Variants in DYSF observed in about 807,000 individuals in gnomAD.
DYSF encodes dysferlin, also known as dystrophy-associated fer-1-like 1.
A neutral mutation model predicts 274.9 loss-of-function variants in DYSF; 212 were observed. That is an observed-to-expected ratio of 0.77 (90% CI 0.69 to 0.86). DYSF has a LOEUF of 0.86. Among genes scored for constraint, DYSF ranks in the 40% least tolerant of loss-of-function variants. DYSF has a pLI of 0.00. For synonymous variants in DYSF, 1,091 were observed against 1,078.7 expected, an observed-to-expected ratio of 1.01 and a Z score of -0.22; for missense variants, 2,666 against 2,783.2, an observed-to-expected ratio of 0.96 and a Z score of 0.95.
chr2:71,639,286 C>G (rs1199830786), intron 41 of DYSF, among the ~76,000 whole-genome samples: 3 of 152,006 alleles, frequency 2.0e-5, no homozygotes, highest in African/African-American at 2.4e-5. Flanking sequence ...TGTCTTTTCA[C>G]TTTATTGGTA....
chr2:71,583,431 G>C, intron 30 of DYSF, among the ~76,000 whole-genome samples: 1 of 152,166 alleles, frequency 6.6e-6, no homozygotes, highest in Non-Finnish European at 1.5e-5. Context: ...GCTTGACTCT[G>C]CTGGAGCAGG....
At chr2:71,618,568 T>TGTGGGGTACAGTTGTGTG (rs2093996474) in intron 40 of DYSF, among the ~76,000 whole-genome samples, 1 of 17,566 alleles carries the variant, frequency 5.7e-5, no homozygotes. Flanking sequence ...GAGTGTGTGT[T>TGTGGGGTACAGTTGTGTG]TGTGTGGGGT....
At chr2:71,679,311 A>G (rs966091051) in intron 53 of DYSF, 76 bp downstream of exon 53, 1 of 1,419,364 alleles carries the variant, frequency 7.0e-7, no homozygotes, top group Non-Finnish European at 9.8e-7. Flanking sequence ...AAAATACGTC[A>G]TCAGAAAATA....
chr2:71,620,770 G>T (rs1291079510), intron 41 of DYSF, among the ~76,000 whole-genome samples, 161 bp downstream of exon 41: 1 of 152,136 alleles, frequency 6.6e-6, no homozygotes, highest in Non-Finnish European at 1.5e-5. Flanking sequence ...CTGAAAAGGA[G>T]GGGTGAGAGA....
At chr2:71,558,150 G>A (rs11893054) in intron 22 of DYSF, among the ~76,000 whole-genome samples, 4,773 of 152,268 alleles carry the variant, frequency 0.031, 246 homozygotes, top group African/African-American at 0.11. Flanking sequence ...GTGCTGCTCT[G>A]TAATGGACAG....
intron 42 of DYSF, among the ~76,000 whole-genome samples, chr2:71,649,515 T>G (rs2152929800): frequency 6.6e-6 from 1 of 152,230 alleles, no homozygotes; most frequent in Admixed American, 6.5e-5. Context: ...ATTGCTACAG[T>G]AGGGACCCCA....
chr2:71,486,792 G>A (rs962179696), intron 3 of DYSF, among the ~76,000 whole-genome samples: 4 of 152,190 alleles, frequency 2.6e-5, no homozygotes, highest in South Asian at 2.1e-4. Flanking sequence ...CCTTAGGGTG[G>A]AAGACACTCA....
At chr2:71,560,417 G>GCCCCAGCGCAGGGCTCCGGCCCAGGCCCC (rs56170138) in intron 22 of DYSF, among the ~76,000 whole-genome samples, 2 of 138,786 alleles carry the variant, frequency 1.4e-5, no homozygotes, top group Admixed American at 1.4e-4. Context: ...TCCCAGGCAG[G>GCCCCAGCGCAGGGCTCCGGCCCAGGCCCC]CCCCCGCCCC....
chr2:71,458,021 G>A (rs2081141182), intron 1 of DYSF, among the ~76,000 whole-genome samples: 6 of 152,166 alleles, frequency 3.9e-5, no homozygotes, highest in Admixed American at 3.9e-4. Flanking sequence ...CGAACAAGAG[G>A]GAGAGAAGGA....
At position 71,686,464 on chromosome 2, in the gene DYSF, C is replaced by T. The variant is rs760938026; in HGVS notation, c.6332C>T (p.Ala2111Val). 1.1e-5 allele frequency: 18 copies of T among 1,614,182 alleles called. No homozygotes were observed. The highest frequency in any genetic ancestry group is 1.7e-4 in the Middle Eastern group (1 of 6,056). The change falls in exon 56 of 56, where the codon GCC (alanine) becomes GTC (valine). Residue 2111 changes from alanine (A) to valine (V), a missense_variant. Physicochemically the swap from Ala to Val is moderately conservative, Grantham distance 64 (BLOSUM62 0). Coordinates refer to ENST00000410020, the MANE Select transcript of DYSF (RefSeq NM_001130987.2). ...IFIYAFPNYA[A>V]MKLVKPFS Reference sequence around the variant, plus strand: ...CCTCCCTCCCTCCAGAACTATGCTGCCATGAAGCTGGTGAAGCCCTTCAGC... The same window carrying T: ...CCTCCCTCCCTCCAGAACTATGCTGTCATGAAGCTGGTGAAGCCCTTCAGC...
At chr2:71,486,705 CT>C (rs1286386005) in intron 3 of DYSF, among the ~76,000 whole-genome samples, 4 of 152,320 alleles carry the variant, frequency 2.6e-5, no homozygotes, top group African/African-American at 9.6e-5. Context: ...CCGAGGACCC[CT>C]GAGCCAACTT....
At chr2:71,656,836 C>A (rs533612496) in intron 43 of DYSF, among the ~76,000 whole-genome samples, 1 of 152,238 alleles carries the variant, frequency 6.6e-6, no homozygotes, top group African/African-American at 2.4e-5. Context: ...CCTCCTGGGT[C>A]CCTCCCCCAA....
At chr2:71,635,765 AGAAAG>A (rs1455404382) in intron 41 of DYSF, among the ~76,000 whole-genome samples, 3,660 of 60,808 alleles carry the variant, frequency 0.06, 126 homozygotes, top group East Asian at 0.079. Flanking sequence ...AAAAAAAAAA[AGAAAG>A]AAAAAAGAAA....
At chr2:71,552,561 C>T (rs2091022287) in intron 19 of DYSF, among the ~76,000 whole-genome samples, 1 of 152,186 alleles carries the variant, frequency 6.6e-6, no homozygotes, top group Non-Finnish European at 1.5e-5. Flanking sequence ...CAGTGGCAGC[C>T]CGTGTATCCT....
intron 29 of DYSF, among the ~76,000 whole-genome samples, chr2:71,571,642 A>G (rs1162019621): frequency 7.3e-6 from 1 of 137,778 alleles, no homozygotes; most frequent in African/African-American, 2.8e-5. Flanking sequence ...CAGCACATGC[A>G]GAGATCACAC....
rs760443264 is a variant in DYSF at position 71,570,682 on chromosome 2, C to T, written c.3169C>T (p.Arg1057Trp). 54 of 1,613,950 alleles carry T rather than the reference C, an allele frequency of 3.3e-5. No individual in the cohort carries two copies. The highest frequency in any genetic ancestry group is 6.6e-5 in the South Asian group (6 of 91,094). Residue 1057 changes from arginine (R) to tryptophan (W), a missense_variant, in exon 29 of 56, where the codon CGG becomes TGG. Arg to Trp is a moderately radical substitution (Grantham distance 101). This residue lies in a region of DYSF where 1,460 missense variants were observed against 1,502.1 expected (regional missense o/e 0.97). Transcript: ENST00000410020. ...TGAGAAGATGTACTACACACACCGA[C>T]GGCGGCGCTGGGTGCGCCTGCGCAG... ...PAEKMYYTHR[R>W]RRWVRLRRRD... is the part of the protein sequence containing the mutation.
chr2:71,574,234 T>C lies in DYSF; in HGVS notation c.3265T>C (p.Tyr1089His), dbSNP rs548142126. 3 of 1,613,744 alleles carry C rather than the reference T, an allele frequency of 1.9e-6. No homozygotes were observed. The highest frequency in any genetic ancestry group is 1.3e-5 in the African/African-American group (1 of 75,036). Reference sequence around the variant, plus strand: ...GGAGGCGGAGGGCGAGGGCTGGGAGTACGCCTCTCTTTTTGGCTGGAAGTT... The same window carrying C: ...GGAGGCGGAGGGCGAGGGCTGGGAGCACGCCTCTCTTTTTGGCTGGAAGTT... ...QAEAEGEGWE[Y>H]ASLFGWKFHL... Residue 1089 changes from tyrosine (Y) to histidine (H), a missense_variant, in exon 30 of 56, where the codon TAC (tyrosine) becomes CAC (histidine). Around this residue, in one of 3 missense-constraint regions of DYSF, gnomAD observed 1,460 missense variants for 1,502.1 expected, o/e 0.97. Transcript: ENST00000410020.
At position 71,495,103 on chromosome 2, in the gene DYSF, A is replaced by G. The variant is rs532384106; in HGVS notation, c.240-8111A>G. Among the ~76,000 whole-genome samples the G allele has an allele frequency of 8.5e-5, 13 of 152,274 alleles. 1 individual carries two copies. In the South Asian group the frequency reaches 2.5e-3, roughly 29 times the overall value. ...GGCACATGTGGGGGGTGATAGGTGT[A>G]TTAACTGAAATTTTACCAGAACTCT... On this transcript the variant is annotated intron_variant, in intron 3 of 55. Transcript: ENST00000410020.
chr2:71,662,364 C>T (rs111785813), intron 45 of DYSF, among the ~76,000 whole-genome samples: 3 of 152,144 alleles, frequency 2.0e-5, no homozygotes, highest in Non-Finnish European at 4.4e-5. Context: ...TATGGAATCC[C>T]GAGCTCCCTG....
Sources: allele counts gnomAD v4.1 joint callset (sites outside exome capture counted in the v4.1 genomes callset), GRCh38; gene constraint gnomAD v4.1.1; regional missense constraint gnomAD v4.1.1; transcripts MANE v1.5; gene names NCBI Gene and HGNC (gene_info 2026-07-23, HGNC 2026-07-21).